Variants in FAP observed in about 807,000 individuals in gnomAD.
FAP encodes the protein prolyl endopeptidase FAP.
In FAP, 110 loss-of-function variants were observed where a neutral mutation model predicts 126.5. That is an observed-to-expected ratio of 0.87 (90% CI 0.74 to 1.02). The LOEUF (loss-of-function observed/expected upper bound fraction) is 1.02. Ranked by LOEUF, FAP falls within the 50% of genes least tolerant of loss-of-function variation. The pLI is 0.00. For synonymous variants in FAP, 334 were observed against 297.3 expected (o/e 1.12, Z -1.27); for missense variants, 919 against 909.2 (o/e 1.01, Z -0.14).
At chr2:162,176,465 T>C (rs1031169148) in intron 21 of FAP, 37 of 152,284 alleles carry the variant, frequency 2.4e-4, no homozygotes, top group Admixed American at 1.3e-4. Flanking sequence ...AAGTATATTT[T>C]AAAAACAGAA....
chr2:162,188,209 G>A lies in FAP; in HGVS notation c.1774C>T (p.Leu592=). ...TGGTCTTCAACTTCATAAACACCCA[G>A]CTTTCGATACACTGCATAGAGGAGT... ...DKLLYAVYRK[L]GVYEVEDQIT... is the part of the protein sequence containing the mutation. The change falls in exon 20 of 26, where the codon CTG becomes TTG. Residue 592 remains leucine (L), a synonymous_variant. Transcript: ENST00000188790. The A allele has an allele frequency of 6.2e-7, 1 of 1,613,054 alleles. No individual in the cohort carries two copies. Among genetic ancestry groups the A allele is most frequent in the Non-Finnish European group, 8.5e-7 (1 of 1,179,310 alleles).
At chr2:162,226,693 T>G in intron 2 of FAP, 72 bp from the exon 3 acceptor site, 1 of 805,792 alleles carries the variant, frequency 1.2e-6, no homozygotes, top group Non-Finnish European at 2.1e-6. Context: ...AAGCCTGGCC[T>G]TCATCTGTTC....
intron 16 of FAP, chr2:162,195,067 T>A (rs1174406142): frequency 5.6e-6 from 2 of 355,866 alleles, no homozygotes; most frequent in Non-Finnish European, 1.1e-5. Context: ...TCTGGGAAGA[T>A]GTCATGCTGT....
intron 22 of FAP, among the ~76,000 whole-genome samples, chr2:162,174,390 A>G (rs1366027528): frequency 1.3e-5 from 2 of 152,218 alleles, no homozygotes; most frequent in Admixed American, 6.5e-5. Context: ...ATCATCCTGC[A>G]TTGATGTAAT....
intron 2 of FAP, among the ~76,000 whole-genome samples, chr2:162,236,461 T>C (rs926497312): frequency 6.6e-6 from 1 of 151,646 alleles, no homozygotes; most frequent in Admixed American, 6.6e-5. Context: ...TTTTTTTTTT[T>C]GTGGGAAGTT....
chr2:162,225,525 A>C lies in FAP; in HGVS notation c.243T>G (p.Ile81Met), dbSNP rs1264390039. ...AAATGGTATATGATTGTCCTGTTTC[A>C]ATATTATAAAGTACTATATTGTTAT... ...SADNNIVLYNIETGQSYTILS... is the reference protein window; with the variant it reads ...SADNNIVLYNMETGQSYTILS... The change falls in exon 4 of 26, where the codon ATT becomes ATG. Residue 81 changes from isoleucine to methionine, a missense_variant. Transcript: ENST00000188790. 1.2e-6 allele frequency: 2 copies of C among 1,600,750 alleles called. No individual in the cohort carries two copies.
intron 16 of FAP, among the ~76,000 whole-genome samples, chr2:162,195,515 C>A (rs545546407): frequency 2.0e-5 from 3 of 151,258 alleles, no homozygotes; most frequent in Non-Finnish European, 3.0e-5. Context: ...TCTCTTCTCC[C>A]GGGTTGGGGG....
chr2:162,170,914 C>T lies in FAP; in HGVS notation c.*65G>A, dbSNP rs1687280663. 8.5e-7 allele frequency: 1 copy of T among 1,174,926 alleles called. No individual in the cohort carries two copies. The highest frequency in any genetic ancestry group is 2.4e-5 in the East Asian group (1 of 42,532). 72.8% of individuals were successfully genotyped at this position (1,174,926 alleles called of 1,614,324 possible). ...TTTACAACATAAAAAATAAAATAAGCAAACTGTCTGAGGGGTTTATATAAG... is the reference window on the plus strand; with the variant it reads ...TTTACAACATAAAAAATAAAATAAGTAAACTGTCTGAGGGGTTTATATAAG... On this transcript the variant is annotated 3_prime_UTR_variant, in exon 26 of 26. Coordinates refer to ENST00000188790, the MANE Select transcript of FAP (RefSeq NM_004460.5).
intron 11 of FAP, among the ~76,000 whole-genome samples, chr2:162,210,262 T>C (rs981920014): frequency 2.6e-5 from 4 of 152,326 alleles, no homozygotes; most frequent in African/African-American, 9.6e-5. Context: ...ACAACATCTA[T>C]GGAGGCCCAG....
chr2:162,198,996 T>C (rs1688382003), intron 15 of FAP, 115 bp from the exon 16 acceptor site: 1 of 844,446 alleles, frequency 1.2e-6, no homozygotes, highest in Admixed American at 2.4e-5. Context: ...ACTCTATTTT[T>C]CTGTTGCCAA....
chr2:162,207,947 G>T (rs571175823), intron 12 of FAP, among the ~76,000 whole-genome samples: 42 of 151,800 alleles, frequency 2.8e-4, no homozygotes, highest in Admixed American at 7.2e-4. Flanking sequence ...CTGACACTGA[G>T]GGTGTTTTTT....
chr2:162,173,249 T>A, intron 23 of FAP, 28 bp from the exon 24 acceptor site: 1 of 1,555,946 alleles, frequency 6.4e-7, no homozygotes, highest in Non-Finnish European at 8.9e-7. Context: ...ATTAACATTT[T>A]AGTTGCTGCA....
At chr2:162,179,803 TATATA>T (rs1343070110) in intron 21 of FAP, among the ~76,000 whole-genome samples, 5 of 140,594 alleles carry the variant, frequency 3.6e-5, no homozygotes, top group African/African-American at 1.1e-4. Flanking sequence ...TATATATATA[TATATA>T]TATATTTTTT....
intron 17 of FAP, among the ~76,000 whole-genome samples, chr2:162,193,154 C>T (rs2106232421): frequency 6.6e-6 from 1 of 152,164 alleles, no homozygotes; most frequent in East Asian, 1.9e-4. Context: ...ACACCAAATG[C>T]AATGTAAATA....
intron 1 of FAP, 67 bp downstream of exon 1, chr2:162,243,255 A>G: frequency 8.1e-7 from 1 of 1,233,238 alleles, no homozygotes; most frequent in Non-Finnish European, 1.2e-6. Context: ...AACAATAGAA[A>G]ACTCTGATCA....
chr2:162,210,911 A>T (rs997613108), intron 11 of FAP, among the ~76,000 whole-genome samples: 2 of 152,196 alleles, frequency 1.3e-5, no homozygotes, highest in African/African-American at 4.8e-5. Context: ...TAAGTCTGAG[A>T]GTTATTGGCA....
intron 16 of FAP, among the ~76,000 whole-genome samples, chr2:162,198,024 T>C (rs927926232): frequency 6.6e-6 from 1 of 152,212 alleles, no homozygotes; most frequent in African/African-American, 2.4e-5. Context: ...TGTTTTATTG[T>C]TTGCCACATG....
chr2:162,172,736 A>C (rs1687355938), intron 25 of FAP, 75 bp downstream of exon 25: 1 of 980,060 alleles, frequency 1.0e-6, no homozygotes, highest in South Asian at 1.4e-5. Flanking sequence ...AAAGTTAAAA[A>C]AAATAAAAAT....
intron 20 of FAP, among the ~76,000 whole-genome samples, chr2:162,184,082 C>T (rs1687783211): frequency 6.6e-6 from 1 of 152,066 alleles, no homozygotes; most frequent in South Asian, 2.1e-4. Flanking sequence ...GAGCAAGGGG[C>T]TACACTGAAG....
Sources: gnomAD v4.1 joint callset for allele counts (sites outside exome capture counted in the v4.1 genomes callset) on GRCh38, gnomAD v4.1.1 for gene constraint, MANE v1.5 for transcripts, NCBI Gene and HGNC (gene_info 2026-07-23, HGNC 2026-07-21) for gene names.